Variants in CNTN2 observed in about 807,000 individuals in gnomAD.
CNTN2 encodes contactin 2, also known as contactin-2.
A neutral mutation model predicts 117.5 loss-of-function variants in CNTN2; 53 were observed. That is an observed-to-expected ratio of 0.45 (90% CI 0.36 to 0.57). The LOEUF (loss-of-function observed/expected upper bound fraction) is 0.57, where lower values mean the gene tolerates loss of function less well. Among genes scored for constraint, CNTN2 ranks in the 20% least tolerant of loss-of-function variants. The pLI is 0.00. For missense variants in CNTN2, 1,106 were observed against 1,404.3 expected (o/e 0.79, Z 3.39); for synonymous variants, 530 against 561.7 (o/e 0.94, Z 0.80).
At position 205,065,568 on chromosome 1, in the gene CNTN2, A is replaced by T. The variant is rs1404977452; in HGVS notation, c.1696-221A>T. On this transcript the variant is annotated intron_variant, in intron 13 of 22. Coordinates refer to ENST00000331830, the MANE Select transcript of CNTN2 (RefSeq NM_005076.5). The surrounding 1 kb of genome is among the most constrained non-coding windows in gnomAD (Gnocchi z 4.1). ...AATGATATTATTAATGTGGACAGTC[A>T]TTGACTGTCTCCTGAAACAAACTTT... is the stretch of plus-strand genomic sequence containing the variant. Among the ~76,000 whole-genome samples the T allele has an allele frequency of 6.6e-6, 1 of 152,020 alleles. No individual in the cohort carries two copies. Among genetic ancestry groups the T allele is most frequent in the Non-Finnish European group, 1.5e-5 (1 of 68,010 alleles).
At position 205,061,793 on chromosome 1, in the gene CNTN2, T is replaced by A. The variant is rs1033618377; in HGVS notation, c.974-72T>A. 9 of 1,473,918 alleles carry A rather than the reference T, an allele frequency of 6.1e-6. No individual in the cohort carries two copies. Among genetic ancestry groups the A allele is most frequent in the Non-Finnish European group, 7.2e-6 (8 of 1,109,266 alleles). 91.3% of individuals were successfully genotyped at this position (1,473,918 alleles called of 1,614,324 possible). ...TCTGGCACAGGTGCTGCTGCCCTGA[T>A]TTTCTGTTCCTTTTAATGAGCTGGA... On this transcript the variant is annotated intron_variant, in intron 8 of 22. Transcript: ENST00000331830. The surrounding 1 kb of genome is among the most constrained non-coding windows in gnomAD (Gnocchi z 4.8).
At chr1:205,054,313 C>T (rs762756251) in intron 2 of CNTN2, among the ~76,000 whole-genome samples, 5 of 152,338 alleles carry the variant, frequency 3.3e-5, no homozygotes, top group Middle Eastern at 3.4e-3. Flanking sequence ...TACTTTCAGA[C>T]GTTCTCATTC....
At chr1:205,046,596 C>CTTAAT (rs1182014340) in intron 1 of CNTN2, among the ~76,000 whole-genome samples, 1 of 152,204 alleles carries the variant, frequency 6.6e-6, no homozygotes, top group Non-Finnish European at 1.5e-5. Flanking sequence ...CCCCACCAGG[C>CTTAAT]TTAAGCTCTG....
At position 205,061,454 on chromosome 1, in the gene CNTN2, C is replaced by A. The variant is rs565088783; in HGVS notation, c.973+34C>A. ...CCAGGGACACCTTCTCCGCCCCTCCCGACCCCCCTTCCCGCCTTCACCCTT... is the reference window on the plus strand; with the variant it reads ...CCAGGGACACCTTCTCCGCCCCTCCAGACCCCCCTTCCCGCCTTCACCCTT... On this transcript the variant is annotated intron_variant, in intron 8 of 22. Coordinates refer to ENST00000331830, the MANE Select transcript of CNTN2 (RefSeq NM_005076.5). The surrounding 1 kb of genome is among the most constrained non-coding windows in gnomAD (Gnocchi z 4.8). The A allele has an allele frequency of 7.1e-6, 11 of 1,540,614 alleles. No individual in the cohort carries two copies. Among genetic ancestry groups the A allele is most frequent in the Non-Finnish European group, 9.7e-6 (11 of 1,138,442 alleles).
intron 1 of CNTN2, among the ~76,000 whole-genome samples, chr1:205,047,007 A>G (rs145195360): frequency 2.5e-3 from 377 of 152,292 alleles, no homozygotes; most frequent in African/African-American, 8.2e-3. Flanking sequence ...CCCCTGCCCA[A>G]TGCTAGAAGA....
intron 1 of CNTN2, 41 bp from the exon 2 acceptor site, chr1:205,053,059 G>A (rs571823898): frequency 3.6e-5 from 21 of 587,854 alleles, no homozygotes; most frequent in African/African-American, 1.7e-4. Context: ...TGGGAGGGGC[G>A]CTCCTCGGCT....
In CNTN2 at chr1:205,058,058, A is replaced by G. The variant is rs555512649; in HGVS notation, c.208A>G (p.Thr70Ala). The change falls in exon 3 of 23, where the codon ACC becomes GCC. Residue 70 changes from threonine (T) to alanine (A), a missense_variant. Transcript: ENST00000331830. The surrounding 1 kb of genome is among the most constrained non-coding windows in gnomAD (Gnocchi z 4.3). ...CCGCGCCCGGGCCAGCCCTCCAGCC[A>G]CCTATCGGTAAGGCCTCTGCAGTGG... ...ACRARASPPATYRWKMNGTEM... is the reference protein window; with the variant it reads ...ACRARASPPAAYRWKMNGTEM... 4 of 1,613,402 alleles carry G rather than the reference A, an allele frequency of 2.5e-6. No individual in the cohort carries two copies. In the South Asian group the frequency reaches 3.3e-5, roughly 13 times the overall value.
intron 10 of CNTN2, 118 bp from the exon 11 acceptor site, chr1:205,064,204 C>A (rs2151194016): frequency 1.8e-6 from 2 of 1,111,934 alleles, no homozygotes; most frequent in East Asian, 2.4e-5. Flanking sequence ...GTTCTGGATG[C>A]ATTCTGGAAG....
intron 1 of CNTN2, among the ~76,000 whole-genome samples, chr1:205,044,409 G>C (rs1373905490): frequency 6.6e-6 from 1 of 151,538 alleles, no homozygotes; most frequent in Non-Finnish European, 1.5e-5. Context: ...CTTGGGGATG[G>C]AGACGGGCAC....
rs1175785615 is a variant in CNTN2, at chr1:205,059,387, C to T, written c.697+94C>T. 1.9e-5 allele frequency: 25 copies of T among 1,330,532 alleles called. No homozygotes were observed. Among genetic ancestry groups the T allele is most frequent in the Non-Finnish European group, 2.4e-5 (23 of 952,734 alleles). 82.4% of individuals were successfully genotyped at this position (1,330,532 alleles called of 1,614,324 possible). On this transcript the variant is annotated intron_variant, in intron 6 of 22. Transcript: ENST00000331830. This position sits in a 1 kb window ranked among gnomAD's most constrained non-coding sequence, Gnocchi z 5.6. ...TTTCCTTTGGAGATTGGAAGATCAG[C>T]TTGCAGGGCACTGATTCCAGGCCCT... is the stretch of plus-strand genomic sequence containing the variant.
rs145070278 is a variant in CNTN2, at chr1:205,058,065, G to C, written c.215G>C (p.Arg72Pro). 3 of 1,613,236 alleles carry C rather than the reference G, an allele frequency of 1.9e-6. No homozygotes were observed. In the South Asian group the frequency reaches 3.3e-5, roughly 18 times the overall value. The change falls in exon 3 of 23, where the codon CGG (arginine) becomes CCG (proline). Residue 72 changes from arginine (R) to proline (P), a missense_variant and splice_region_variant. By Grantham distance (103) the Arg-to-Pro change is moderately radical. Coordinates refer to ENST00000331830, the MANE Select transcript of CNTN2 (RefSeq NM_005076.5). The surrounding 1 kb of genome is among the most constrained non-coding windows in gnomAD (Gnocchi z 4.3). ...CGGGCCAGCCCTCCAGCCACCTATCGGTAAGGCCTCTGCAGTGGGTGCTGG... is the reference window on the plus strand; with the variant it reads ...CGGGCCAGCCCTCCAGCCACCTATCCGTAAGGCCTCTGCAGTGGGTGCTGG... Reference protein sequence around the residue: ...RARASPPATYRWKMNGTEMKL... With the variant: ...RARASPPATYPWKMNGTEMKL...
At chr1:205,069,590 C>T (rs1247770742) in intron 17 of CNTN2, 29 bp downstream of exon 17, 1 of 1,606,392 alleles carries the variant, frequency 6.2e-7, no homozygotes, top group Non-Finnish European at 8.5e-7. Context: ...ATGTCCTCCT[C>T]CTCCTCCCTG....
chr1:205,052,288 G>T (rs2096454230), intron 1 of CNTN2, among the ~76,000 whole-genome samples: 2 of 152,212 alleles, frequency 1.3e-5, no homozygotes, highest in African/African-American at 4.8e-5. Flanking sequence ...GAACGGGGAG[G>T]CTGGCTCTGC....
In CNTN2 at chr1:205,064,395, C is replaced by A; in HGVS notation, c.1314C>A (p.Ile438=). 2 of 1,612,510 alleles carry A rather than the reference C, an allele frequency of 1.2e-6. No individual in the cohort carries two copies. Among genetic ancestry groups the A allele is most frequent in the Non-Finnish European group, 1.7e-6 (2 of 1,178,660 alleles). ...IPAARGGEIL[I]PCQPRAAPKA... is the part of the protein sequence containing the mutation. ...CGGCCCGCGGGGGAGAGATCCTTAT[C>A]CCCTGCCAGCCCCGGGCAGCTCCAA... The change falls in exon 11 of 23, where the codon ATC becomes ATA. Residue 438 remains isoleucine (I), a synonymous_variant. Transcript: ENST00000331830.
Position 205,067,407 on chromosome 1 carries a change from G to A in CNTN2, c.2125+157G>A. On this transcript the variant is annotated intron_variant, in intron 16 of 22. Coordinates refer to ENST00000331830, the MANE Select transcript of CNTN2 (RefSeq NM_005076.5). ...AGAGGAGGACAGAACACCAAGTTGGGACCAGGGCCACTGCATGGACAAACC... is the reference window on the plus strand; with the variant it reads ...AGAGGAGGACAGAACACCAAGTTGGAACCAGGGCCACTGCATGGACAAACC... The A allele has an allele frequency of 3.6e-6, 3 of 837,110 alleles. No homozygotes were observed. In the Admixed American group the frequency reaches 1.0e-4, roughly 29 times the overall value. 51.9% of individuals were successfully genotyped at this position (837,110 alleles called of 1,614,324 possible).
chr1:205,065,876 AGC>A lies in CNTN2; in HGVS notation c.1787_1788del (p.Ala596ValfsTer44). On this transcript the variant is annotated frameshift_variant, in exon 14 of 23. Coordinates refer to ENST00000331830, the MANE Select transcript of CNTN2 (RefSeq NM_005076.5). LOFTEE classifies it high-confidence loss of function. The surrounding 1 kb of genome is among the most constrained non-coding windows in gnomAD (Gnocchi z 4.1). Reference sequence around the variant, plus strand: ...GTGCATGGCCCAGACGGTGGTGGACAGCGCGTCCAAGGAGGCCACAGTCCTGG... The same window carrying A: ...GTGCATGGCCCAGACGGTGGTGGACAGCGTCCAAGGAGGCCACAGTCCTGG... ...YTCMAQTVVD[S>X]ASKEATVLVR... The A allele has an allele frequency of 6.3e-7, 1 of 1,583,934 alleles. No homozygotes were observed. Among genetic ancestry groups the A allele is most frequent in the Non-Finnish European group, 8.6e-7 (1 of 1,158,678 alleles).
Position 205,059,975 on chromosome 1 carries a change from C to T in CNTN2, c.797+293C>T. The T allele has an allele frequency of 2.4e-6, 1 of 424,162 alleles. No homozygotes were observed. The highest frequency in any genetic ancestry group is 2.8e-5 in the South Asian group (1 of 36,328). 26.3% of individuals were successfully genotyped at this position (424,162 alleles called of 1,614,324 possible). On this transcript the variant is annotated intron_variant, in intron 7 of 22. Coordinates refer to ENST00000331830, the MANE Select transcript of CNTN2 (RefSeq NM_005076.5). This position sits in a 1 kb window ranked among gnomAD's most constrained non-coding sequence, Gnocchi z 5.6. The stretch of plus-strand genomic sequence containing the variant: ...GGCTGGAGGCAGGCAGCACAGTGTA[C>T]AGACTCCAACCCTGTCTGTCTCATT...
chr1:205,064,381 G>A lies in CNTN2; in HGVS notation c.1300G>A (p.Gly434Arg), dbSNP rs774795802. 1 of 1,610,986 alleles carries A rather than the reference G, an allele frequency of 6.2e-7. No individual in the cohort carries two copies. The highest frequency in any genetic ancestry group is 2.2e-5 in the East Asian group (1 of 44,760). ...VRRLIPAARG[G>R]EILIPCQPRA... The stretch of plus-strand genomic sequence containing the variant: ...GCGTCTGATCCCCGCGGCCCGCGGG[G>A]GAGAGATCCTTATCCCCTGCCAGCC... The change falls in exon 11 of 23, where the codon GGA (glycine) becomes AGA (arginine). Residue 434 changes from glycine to arginine, a missense_variant. By Grantham distance (125) the Gly-to-Arg change is moderately radical. Transcript: ENST00000331830.
rs1381304278 is a variant in CNTN2, at chr1:205,058,820, AG to A, written c.487+159del. On this transcript the variant is annotated intron_variant, in intron 5 of 22. Coordinates refer to ENST00000331830, the MANE Select transcript of CNTN2 (RefSeq NM_005076.5). The surrounding 1 kb of genome is among the most constrained non-coding windows in gnomAD (Gnocchi z 4.3). ...TTTAAATGATCTGTGTTTCCTTTAT[AG>A]GTCTGTCACTTTCCATCGTTGTGCC... 3 of 681,900 alleles carry A rather than the reference AG, an allele frequency of 4.4e-6. No homozygotes were observed. The highest frequency in any genetic ancestry group is 7.4e-6 in the Non-Finnish European group (3 of 407,800). The allele number at this position is 681,900 out of a possible 1,614,324, so 42.2% of individuals were successfully genotyped here.
Sources: allele counts gnomAD v4.1 joint callset (sites outside exome capture counted in the v4.1 genomes callset), GRCh38; gene constraint gnomAD v4.1.1; non-coding constraint Gnocchi (gnomAD v3.1); transcripts MANE v1.5; gene names NCBI Gene and HGNC (gene_info 2026-07-23, HGNC 2026-07-21).